RANBP17: variants seen among roughly 807,000 people sequenced by gnomAD.
RANBP17 encodes RAN binding protein 17.
In RANBP17, 158 loss-of-function variants were observed where a neutral mutation model predicts 141.2. The ratio of observed to expected loss-of-function variants is 1.12; its 90% CI spans 0.98 to 1.28. The LOEUF is 1.28. Ranked by LOEUF, RANBP17 falls within the 50% of genes most tolerant of loss-of-function variation. RANBP17 has a pLI of 0.00. For missense variants in RANBP17, 1,438 were observed against 1,290.7 expected, an observed-to-expected ratio of 1.11 and a Z score of -1.75; for synonymous variants, 430 against 450.0, an observed-to-expected ratio of 0.96 and a Z score of 0.56.
chr5:171,073,740 C>T (rs1271080829), intron 14 of RANBP17, among the ~76,000 whole-genome samples: 4 of 152,106 alleles, frequency 2.6e-5, no homozygotes, highest in Non-Finnish European at 4.4e-5. Flanking sequence ...TAAAAGGAAG[C>T]AGGGCTTCCT....
chr5:171,181,688 T>C (rs1192072750), intron 16 of RANBP17, among the ~76,000 whole-genome samples: 1 of 152,268 alleles, frequency 6.6e-6, no homozygotes, highest in Non-Finnish European at 1.5e-5. Flanking sequence ...TAAATCATAC[T>C]AATTGTTTAT....
chr5:170,992,751 A>G (rs1240721991), intron 14 of RANBP17, among the ~76,000 whole-genome samples: 2 of 152,010 alleles, frequency 1.3e-5, no homozygotes, highest in East Asian at 3.9e-4. Flanking sequence ...GAAAGGAGGT[A>G]AGATTTTTAT....
At chr5:170,882,086 A>AT (rs1303948862) in intron 3 of RANBP17, among the ~76,000 whole-genome samples, 190 bp downstream of exon 3, 2 of 151,848 alleles carry the variant, frequency 1.3e-5, no homozygotes, top group South Asian at 2.1e-4. Flanking sequence ...TCAAAAAAGC[A>AT]TTTTTTTTCT....
At chr5:171,200,179 A>C (rs938699357) in intron 19 of RANBP17, among the ~76,000 whole-genome samples, 1 of 152,228 alleles carries the variant, frequency 6.6e-6, no homozygotes, top group Non-Finnish European at 1.5e-5. Flanking sequence ...TTTTTTAAAC[A>C]AGAATTTATA....
rs56729722 is a variant in RANBP17 at position 170,874,653 on chromosome 5, C to CTT, written c.19-3435_19-3434dup. Among the ~76,000 whole-genome samples the CTT allele has an allele frequency of 8.2e-4, 121 of 148,402 alleles. 2 individuals carry two copies. The South Asian group carries it at 0.013, about 16-fold the overall frequency. ...TCAGAAACTAGGATTTTAACCCCTG[C>CTT]TTTTTTTTTTGCTTTCCATTTGCTT... On this transcript the variant is annotated intron_variant, in intron 1 of 27. Coordinates refer to ENST00000523189, the MANE Select transcript of RANBP17 (RefSeq NM_022897.5).
At chr5:171,177,648 G>C (rs1432840231) in intron 16 of RANBP17, among the ~76,000 whole-genome samples, 1 of 152,162 alleles carries the variant, frequency 6.6e-6, no homozygotes, top group Admixed American at 6.6e-5. Flanking sequence ...TAAAGACTTA[G>C]TAAAGCCATC....
intron 24 of RANBP17, among the ~76,000 whole-genome samples, chr5:171,247,661 T>TA (rs1321147450): frequency 6.6e-6 from 1 of 152,194 alleles, no homozygotes; most frequent in African/African-American, 2.4e-5. Context: ...CCGCAACTCT[T>TA]ATGCACAGAC....
chr5:171,183,229 C>T lies in RANBP17; in HGVS notation c.1928C>T (p.Thr643Met), dbSNP rs535391303. Residue 643 changes from threonine (T) to methionine (M), a missense_variant and splice_region_variant, in exon 17 of 28, where the codon ACG (threonine) becomes ATG (methionine). Thr to Met is a moderately conservative substitution (Grantham distance 81, BLOSUM62 -1). Coordinates refer to ENST00000523189, the MANE Select transcript of RANBP17 (RefSeq NM_022897.5). ...DAVKFMLKNH[T>M]SEHFPFLGIS... ...GTGAAATTCATGCTAAAAAACCACA[C>T]GGTAAGTCTTATTTCTTTAATTAAT... 5.1e-5 allele frequency: 81 copies of T among 1,598,168 alleles called. No individual in the cohort carries two copies. The highest frequency in any genetic ancestry group is 3.3e-4 in the South Asian group (30 of 90,674).
chr5:171,251,690 G>A (rs985474676), intron 24 of RANBP17, among the ~76,000 whole-genome samples: 3 of 152,228 alleles, frequency 2.0e-5, no homozygotes, highest in African/African-American at 7.2e-5. Context: ...AGCGGGCTCA[G>A]TGTGTGGGTC....
intron 14 of RANBP17, among the ~76,000 whole-genome samples, chr5:171,165,978 A>T (rs1018031017): frequency 4.6e-5 from 7 of 152,178 alleles, no homozygotes; most frequent in Non-Finnish European, 7.4e-5. Context: ...CATGCCTTTT[A>T]TGCGTTTTCC....
chr5:171,216,377 C>G lies in RANBP17; in HGVS notation c.2339+2639C>G, dbSNP rs150502676. Among the ~76,000 whole-genome samples, 539 of 152,254 alleles carry G rather than the reference C, an allele frequency of 3.5e-3. 4 individuals are homozygous for G. The highest frequency in any genetic ancestry group is 0.012 in the African/African-American group (501 of 41,542). On this transcript the variant is annotated intron_variant, in intron 21 of 27. Transcript: ENST00000523189. ...TTCTTTTTGCTAAGGATTGTCTTGG[C>G]TATACGTGCCCTTTTTTGGTTCCAT...
At chr5:170,908,001 A>G (rs774351096) in intron 5 of RANBP17, among the ~76,000 whole-genome samples, 4 of 152,048 alleles carry the variant, frequency 2.6e-5, no homozygotes, top group South Asian at 2.1e-4. Flanking sequence ...CAGAATGGCC[A>G]TTATTAAATA....
At chr5:171,169,897 T>C (rs1759978016) in intron 14 of RANBP17, among the ~76,000 whole-genome samples, 1 of 151,092 alleles carries the variant, frequency 6.6e-6, no homozygotes, top group Admixed American at 6.6e-5. Context: ...GATATATGAG[T>C]GTGTTTGTGT....
chr5:171,166,615 G>A (rs904907977), intron 14 of RANBP17, among the ~76,000 whole-genome samples: 1 of 152,078 alleles, frequency 6.6e-6, no homozygotes, highest in Non-Finnish European at 1.5e-5. Flanking sequence ...TCATTGACCT[G>A]TGCTTGATGA....
chr5:171,221,619 G>A (rs1240511961), intron 21 of RANBP17, 139 bp from the exon 22 acceptor site: 1 of 644,360 alleles, frequency 1.6e-6, no homozygotes, highest in Admixed American at 2.9e-5. Flanking sequence ...TTTATCAACA[G>A]TTGTTTATAA....
chr5:170,886,955 GC>G (rs1249156901), intron 3 of RANBP17, among the ~76,000 whole-genome samples: 27 of 151,972 alleles, frequency 1.8e-4, no homozygotes, highest in Non-Finnish European at 3.5e-4. Context: ...GAGCCACCAT[GC>G]CCGGCTATGT....
intron 4 of RANBP17, among the ~76,000 whole-genome samples, chr5:170,894,366 C>G (rs1412953096): frequency 1.3e-5 from 2 of 151,748 alleles, no homozygotes; most frequent in Non-Finnish European, 2.9e-5. Flanking sequence ...CCAGTAAGCT[C>G]AACTTAAGTT....
At chr5:171,065,431 C>G (rs1374966679) in intron 14 of RANBP17, among the ~76,000 whole-genome samples, 1 of 152,072 alleles carries the variant, frequency 6.6e-6, no homozygotes, top group Non-Finnish European at 1.5e-5. Flanking sequence ...GTTTCCTGCT[C>G]CTGTGATAAT....
At chr5:171,090,983 A>T (rs534483492) in intron 14 of RANBP17, among the ~76,000 whole-genome samples, 1 of 152,310 alleles carries the variant, frequency 6.6e-6, no homozygotes, top group South Asian at 2.1e-4. Context: ...GCAGAAGGGA[A>T]ATGTGGGGTC....
Sources: allele counts gnomAD v4.1 joint callset (sites outside exome capture counted in the v4.1 genomes callset), GRCh38; gene constraint gnomAD v4.1.1; transcripts MANE v1.5; gene names NCBI Gene and HGNC (gene_info 2026-07-23, HGNC 2026-07-21).